The following ELOVL5 variants were observed in gnomAD, a reference collection of about 807,000 sequenced individuals.
ELOVL5 encodes ELOVL fatty acid elongase 5.
A neutral mutation model predicts 38.6 loss-of-function variants in ELOVL5; 8 were observed. The observed-to-expected ratio is 0.21, with a 90% confidence interval of 0.12 to 0.37. The LOEUF (loss-of-function observed/expected upper bound fraction) is 0.37. Among genes scored for constraint, ELOVL5 ranks in the 10% least tolerant of loss-of-function variants. ELOVL5 has a pLI of 1.00. For missense variants in ELOVL5, 280 were observed against 367.8 expected (o/e 0.76, Z 1.95); for synonymous variants, 127 against 133.7 (o/e 0.95, Z 0.34).
At chr6:53,324,691 A>AAAAAAAAAAAAAAAAAAAAAAAAAAAC (rs70980840) in intron 1 of ELOVL5, among the ~76,000 whole-genome samples, 1 of 118,058 alleles carries the variant, frequency 8.5e-6, no homozygotes, top group Non-Finnish European at 1.7e-5. Context: ...AAAAAAAAAA[A>AAAAAAAAAAAAAAAAAAAAAAAAAAAC]GGAAAAGAAA....
intron 1 of ELOVL5, among the ~76,000 whole-genome samples, chr6:53,307,569 C>G (rs1767633478): frequency 6.6e-6 from 1 of 152,180 alleles, no homozygotes; most frequent in Admixed American, 6.5e-5. Flanking sequence ...AAGGCATAAA[C>G]TGGAGTTCCC....
At chr6:53,269,436 T>G (rs1254246099) in intron 7 of ELOVL5, among the ~76,000 whole-genome samples, 166 bp from the exon 8 acceptor site, 1 of 152,198 alleles carries the variant, frequency 6.6e-6, no homozygotes, top group Admixed American at 6.5e-5. Flanking sequence ...TGTCACTGGT[T>G]TCAATCATTC....
chr6:53,334,236 T>C (rs1165531691), intron 1 of ELOVL5, among the ~76,000 whole-genome samples: 2 of 152,072 alleles, frequency 1.3e-5, no homozygotes, highest in African/African-American at 4.8e-5. Flanking sequence ...CAAGTTCTGT[T>C]TGGGGCTTCA....
intron 1 of ELOVL5, among the ~76,000 whole-genome samples, chr6:53,346,112 C>T (rs1370095988): frequency 6.6e-6 from 1 of 152,098 alleles, no homozygotes; most frequent in Non-Finnish European, 1.5e-5. Context: ...CTCCCTGTGT[C>T]CATGTGTTCT....
At chr6:53,278,167 GT>G (rs1162271590) in intron 3 of ELOVL5, among the ~76,000 whole-genome samples, 1 of 152,128 alleles carries the variant, frequency 6.6e-6, no homozygotes, top group South Asian at 2.1e-4. Flanking sequence ...TACCATCACT[GT>G]TTTTTCCAGC....
At chr6:53,296,445 T>C (rs1767006283) in intron 1 of ELOVL5, among the ~76,000 whole-genome samples, 2 of 152,138 alleles carry the variant, frequency 1.3e-5, no homozygotes, top group East Asian at 1.9e-4. Flanking sequence ...TAGTAGAGAA[T>C]CAGAATGCTT....
rs545886755 is a variant in ELOVL5 at position 53,334,089 on chromosome 6, A to G, written c.-9+14728T>C. Among the ~76,000 whole-genome samples, 3 of 152,330 alleles carry G rather than the reference A, an allele frequency of 2.0e-5. No homozygotes were observed. In the East Asian group the frequency reaches 5.8e-4, roughly 29 times the overall value. ...GCAACCAAGTTAATTGTGAAGGACA[A>G]AAAACTTCTGAAACCAAAAACTTTT... is the stretch of plus-strand genomic sequence containing the variant. On this transcript the variant is annotated intron_variant, in intron 1 of 7. Coordinates refer to ENST00000304434, the MANE Select transcript of ELOVL5 (RefSeq NM_021814.5).
chr6:53,268,422 C>T lies in ELOVL5; in HGVS notation c.*705G>A, dbSNP rs1013900929. ...GTTTCATCACGACTGCTGTAGAGCCCCCCCCTTTTTACATTAATAGTGGCA... is the reference window on the plus strand; with the variant it reads ...GTTTCATCACGACTGCTGTAGAGCCTCCCCCTTTTTACATTAATAGTGGCA... On this transcript the variant is annotated 3_prime_UTR_variant, in exon 8 of 8. Coordinates refer to ENST00000304434, the MANE Select transcript of ELOVL5 (RefSeq NM_021814.5). The T allele has an allele frequency of 2.6e-5, 4 of 152,030 alleles. No homozygotes were observed. Among genetic ancestry groups the T allele is most frequent in the African/African-American group, 9.7e-5 (4 of 41,346 alleles). 9.4% of individuals were successfully genotyped at this position (152,030 alleles called of 1,614,324 possible). A position where few individuals can be genotyped will look rare whatever the true frequency, so the allele number is the denominator to read the frequency against.
intron 1 of ELOVL5, among the ~76,000 whole-genome samples, chr6:53,343,146 T>TTGC (rs1286590341): frequency 1.3e-5 from 2 of 152,126 alleles, no homozygotes; most frequent in Admixed American, 6.5e-5. Flanking sequence ...AACCAGCAGC[T>TTGC]TGCTGCTGCT....
chr6:53,322,152 T>C lies in ELOVL5; in HGVS notation c.-8-26445A>G, dbSNP rs541299452. ...TAAATATCTATTCTGTCTGGGGACA[T>C]GGACTGTCATTTAAAAAACTGAATC... On this transcript the variant is annotated intron_variant, in intron 1 of 7. Transcript: ENST00000304434. Among the ~76,000 whole-genome samples, 6 of 152,320 alleles carry C rather than the reference T, an allele frequency of 3.9e-5. No homozygotes were observed. The South Asian group carries it at 6.2e-4, about 16-fold the overall frequency.
chr6:53,340,237 T>C (rs999388010), intron 1 of ELOVL5, among the ~76,000 whole-genome samples: 2 of 151,876 alleles, frequency 1.3e-5, no homozygotes, highest in Non-Finnish European at 2.9e-5. Flanking sequence ...GAAAAATATA[T>C]ATTAAAATAA....
chr6:53,289,721 A>G (rs1479414316), intron 3 of ELOVL5, among the ~76,000 whole-genome samples: 3 of 152,248 alleles, frequency 2.0e-5, no homozygotes, highest in Non-Finnish European at 4.4e-5. Flanking sequence ...ACTGTCTCAA[A>G]ACAAACAAAC....
chr6:53,289,355 C>T (rs1422445721), intron 3 of ELOVL5, among the ~76,000 whole-genome samples: 1 of 152,184 alleles, frequency 6.6e-6, no homozygotes, highest in Non-Finnish European at 1.5e-5. Context: ...CTCCTCAGTT[C>T]GTTCCATTGT....
At position 53,295,626 on chromosome 6, in the gene ELOVL5, C is replaced by T. The variant is rs773736172; in HGVS notation, c.58+16G>A. 27 of 1,593,294 alleles carry T rather than the reference C, an allele frequency of 1.7e-5. No homozygotes were observed. In the South Asian group the frequency reaches 3.1e-4, roughly 18 times the overall value. On this transcript the variant is annotated intron_variant, in intron 2 of 7. Coordinates refer to ENST00000304434, the MANE Select transcript of ELOVL5 (RefSeq NM_021814.5). ...GTGATGCTGCAGAAGGTAAGCAAAA[C>T]CAAAAACCACCTTACCTCGAGGGCC...
chr6:53,320,905 G>C (rs924157220), intron 1 of ELOVL5, among the ~76,000 whole-genome samples: 2 of 152,148 alleles, frequency 1.3e-5, no homozygotes, highest in Admixed American at 1.3e-4. Flanking sequence ...TTTAAAAACA[G>C]GATTCTTGAA....
chr6:53,347,049 G>A (rs1769577672), intron 1 of ELOVL5, among the ~76,000 whole-genome samples: 1 of 152,218 alleles, frequency 6.6e-6, no homozygotes, highest in East Asian at 1.9e-4. Context: ...AGTCAAGGAG[G>A]TGAGGTCAAT....
intron 3 of ELOVL5, among the ~76,000 whole-genome samples, chr6:53,288,822 TTGGGAG>T (rs1766667266): frequency 6.6e-6 from 1 of 152,192 alleles, no homozygotes; most frequent in African/African-American, 2.4e-5. Context: ...TCTCAGCACT[TTGGGAG>T]GCAGAGGTGG....
chr6:53,341,444 A>G (rs1469015168), intron 1 of ELOVL5, among the ~76,000 whole-genome samples: 2 of 152,200 alleles, frequency 1.3e-5, no homozygotes, highest in African/African-American at 2.4e-5. Context: ...CTTTAAGCCA[A>G]TCTGCCTGGG....
intron 3 of ELOVL5, among the ~76,000 whole-genome samples, chr6:53,289,813 GTACA>G (rs1294756741): frequency 6.6e-6 from 1 of 152,234 alleles, no homozygotes; most frequent in African/African-American, 2.4e-5. Context: ...TTTACAATAT[GTACA>G]GGAGAAAACT....
Sources: allele counts gnomAD v4.1 joint callset (sites outside exome capture counted in the v4.1 genomes callset), GRCh38; gene constraint gnomAD v4.1.1; transcripts MANE v1.5; gene names NCBI Gene and HGNC (gene_info 2026-07-23, HGNC 2026-07-21).